The following SPANXN4 variants were observed in gnomAD, a reference collection of about 807,000 sequenced individuals.
The protein encoded by SPANXN4 is SPANX family member N4.
In SPANXN4, 5 loss-of-function variants were observed where a neutral mutation model predicts 6.0. That is an observed-to-expected ratio of 0.83 (90% CI 0.44 to 1.75). SPANXN4 has a LOEUF of 1.75. Among genes scored for constraint, SPANXN4 ranks in the 40% most tolerant of loss-of-function variants. SPANXN4 has a pLI of 0.02. For synonymous variants in SPANXN4, 45 were observed against 38.0 expected (o/e 1.19, Z -0.68); for missense variants, 157 against 108.6 (o/e 1.45, Z -1.98).
chrX:143,032,012 G>A (rs909637790), intron 1 of SPANXN4, among the ~76,000 whole-genome samples: 1 of 112,091 alleles, frequency 8.9e-6, no homozygotes, highest in African/African-American at 3.2e-5. Context: ...CCTGGGGACA[G>A]CTAGGGTCCC....
intron 1 of SPANXN4, among the ~76,000 whole-genome samples, chrX:143,026,990 C>T (rs1355886530): frequency 9.0e-6 from 1 of 111,486 alleles, no homozygotes; most frequent in Non-Finnish European, 1.9e-5. Flanking sequence ...GGATGGTCTG[C>T]TTGTGAGGCA....
intron 1 of SPANXN4, among the ~76,000 whole-genome samples, chrX:143,028,098 G>T (rs954674597): frequency 9.0e-6 from 1 of 111,627 alleles, no homozygotes; most frequent in Non-Finnish European, 1.9e-5. Flanking sequence ...GTGAGGGAGA[G>T]AGAGTAATTT....
exon 3 of SPANXN4, chrX:143,034,686 T>A: frequency 8.7e-7 from 1 of 1,143,156 alleles, no homozygotes; most frequent in Non-Finnish European, 1.2e-6. Flanking sequence ...CCCAATGCTG[T>A]GAGCAACTGA....
chrX:143,029,530 T>C (rs1932796877), intron 1 of SPANXN4, among the ~76,000 whole-genome samples: 1 of 110,975 alleles, frequency 9.0e-6, no homozygotes, highest in Admixed American at 9.6e-5. Context: ...TAATGAACCA[T>C]GTAGGCGTTC....
downstream of SPANXN4, among the ~76,000 whole-genome samples, chrX:143,035,075 C>CAAAAAA (rs780134042): frequency 5.1e-5 from 2 of 39,094 alleles, no homozygotes; most frequent in African/African-American, 1.9e-4. Context: ...GACTCTGTCT[C>CAAAAAA]AAAAAAAAAA....
downstream of SPANXN4, among the ~76,000 whole-genome samples, chrX:143,035,771 C>A (rs1035140113): frequency 8.2e-5 from 9 of 109,809 alleles, no homozygotes; most frequent in Non-Finnish European, 9.5e-5. Context: ...TCTCTTCTCA[C>A]TTTTTTAAGT....
exon 1 of SPANXN4, chrX:143,026,086 T>C: frequency 8.3e-7 from 1 of 1,204,961 alleles, no homozygotes; most frequent in Non-Finnish European, 1.1e-6. Context: ...AAAGAAAAGT[T>C]GACAAGGTCA....
chrX:143,027,756 T>C (rs910717343), intron 1 of SPANXN4, among the ~76,000 whole-genome samples: 1 of 109,123 alleles, frequency 9.2e-6, no homozygotes, highest in African/African-American at 3.4e-5. Context: ...GTGACTGATT[T>C]AAGAGGCAAT....
chrX:143,037,002 C>T (rs1342357720), downstream of SPANXN4, among the ~76,000 whole-genome samples: 1 of 111,252 alleles, frequency 9.0e-6, no homozygotes, highest in African/African-American at 3.3e-5. Context: ...TATATCTTCC[C>T]CCTAAATCTC....
intron 1 of SPANXN4, among the ~76,000 whole-genome samples, chrX:143,030,619 C>T (rs2124365789): frequency 9.1e-6 from 1 of 110,041 alleles, no homozygotes; most frequent in South Asian, 3.9e-4. Context: ...CTTTGGGAAG[C>T]CAGATTTAAG....
rs776475632 is a variant in SPANXN4, at chrX:143,031,027, C to T, written c.79-3001C>T. Among the ~76,000 whole-genome samples the T allele has an allele frequency of 1.8e-4, 20 of 110,507 alleles. No homozygotes were observed. In the East Asian group the frequency reaches 2.3e-3, roughly 13 times the overall value. On this transcript the variant is annotated intron_variant, in intron 1 of 2. Coordinates refer to ENST00000370504, the Ensembl canonical transcript of SPANXN4. ...AAACTTTAGAATTAACAGAAGGTAA[C>T]GGTGGATAATGAAGATGAGGGGGAG... is the stretch of plus-strand genomic sequence containing the variant.
intron 1 of SPANXN4, among the ~76,000 whole-genome samples, chrX:143,028,439 T>TTTTG (rs1016071386): frequency 1.8e-5 from 2 of 110,217 alleles, no homozygotes; most frequent in Admixed American, 9.7e-5. Flanking sequence ...TCTAGGGAGT[T>TTTTG]TTTGTTTGTT....
At chrX:143,032,804 T>C (rs1932818568) in intron 1 of SPANXN4, among the ~76,000 whole-genome samples, 1 of 111,295 alleles carries the variant, frequency 9.0e-6, no homozygotes, top group African/African-American at 3.3e-5. Flanking sequence ...AGGGAGTTAA[T>C]ATCCCAGAAA....
chrX:143,031,599 G>A (rs769782328), intron 1 of SPANXN4, among the ~76,000 whole-genome samples: 2 of 112,042 alleles, frequency 1.8e-5, no homozygotes, highest in Non-Finnish European at 3.8e-5. Context: ...CTTATAACAG[G>A]CTCCTGGCAG....
exon 2 of SPANXN4, chrX:143,034,219 A>G: frequency 2.6e-6 from 3 of 1,175,193 alleles, no homozygotes; most frequent in Non-Finnish European, 3.4e-6. Flanking sequence ...TATCTGCAGG[A>G]TCTCCACAGG....
At chrX:143,037,947 T>A (rs1246223634), downstream of SPANXN4, among the ~76,000 whole-genome samples, 1 of 111,768 alleles carries the variant, frequency 8.9e-6, no homozygotes, top group Admixed American at 9.5e-5. Flanking sequence ...CTTATTTTTT[T>A]AATAAATTAC....
chrX:143,026,620 T>C (rs1932780410), intron 1 of SPANXN4, among the ~76,000 whole-genome samples: 1 of 111,311 alleles, frequency 9.0e-6, no homozygotes, highest in Non-Finnish European at 1.9e-5. Flanking sequence ...TGCTGCTGAA[T>C]AGGGGAGCTG....
At chrX:143,033,081 A>T (rs1159280215) in intron 1 of SPANXN4, among the ~76,000 whole-genome samples, 1 of 111,645 alleles carries the variant, frequency 9.0e-6, no homozygotes, top group Non-Finnish European at 1.9e-5. Flanking sequence ...AAAATCTGGA[A>T]AGGAGGAAAA....
chrX:143,030,598 A>C (rs1479681862), intron 1 of SPANXN4, among the ~76,000 whole-genome samples: 1 of 108,735 alleles, frequency 9.2e-6, no homozygotes, highest in Non-Finnish European at 1.9e-5. Flanking sequence ...ATGAAAGCAA[A>C]AAAAAAAAAA....
Sources: gnomAD v4.1 joint callset for allele counts (sites outside exome capture counted in the v4.1 genomes callset) on GRCh38, gnomAD v4.1.1 for gene constraint, MANE v1.5 for transcripts, NCBI Gene and HGNC (gene_info 2026-07-23, HGNC 2026-07-21) for gene names.